Variants in LHFPL3 observed in about 807,000 individuals in gnomAD.
LHFPL3 encodes the protein LHFPL tetraspan subfamily member 3 protein.
A neutral mutation model predicts 19.3 loss-of-function variants in LHFPL3; 5 were observed. The ratio of observed to expected loss-of-function variants is 0.26; its 90% CI spans 0.14 to 0.54. The LOEUF is 0.54. Ranked by LOEUF, LHFPL3 falls within the 20% of genes least tolerant of loss-of-function variation. The pLI is 0.94. For synonymous variants in LHFPL3, 133 were observed against 126.2 expected, an observed-to-expected ratio of 1.05 and a Z score of -0.36; for missense variants, 249 against 307.4, an observed-to-expected ratio of 0.81 and a Z score of 1.42.
intron 1 of LHFPL3, among the ~76,000 whole-genome samples, chr7:104,492,693 G>A (rs1163141891): frequency 2.0e-5 from 3 of 152,080 alleles, no homozygotes; most frequent in East Asian, 1.9e-4. Context: ...TAACTATTAC[G>A]TTCACTAATT....
At chr7:104,385,765 T>C (rs1389009507) in intron 1 of LHFPL3, among the ~76,000 whole-genome samples, 1 of 152,220 alleles carries the variant, frequency 6.6e-6, no homozygotes, top group East Asian at 1.9e-4. Context: ...ATGTGTGGAC[T>C]ATAAATGTTT....
At chr7:104,385,752 A>T (rs1790928974) in intron 1 of LHFPL3, among the ~76,000 whole-genome samples, 1 of 152,202 alleles carries the variant, frequency 6.6e-6, no homozygotes, top group African/African-American at 2.4e-5. Context: ...TATCTATATT[A>T]TAATGTGTGG....
intron 1 of LHFPL3, among the ~76,000 whole-genome samples, chr7:104,616,065 A>T (rs1413239186): frequency 6.6e-6 from 1 of 152,202 alleles, no homozygotes; most frequent in Non-Finnish European, 1.5e-5. Flanking sequence ...ATACTGCCCA[A>T]AGTAATTTAT....
chr7:104,678,663 T>C (rs6955455), intron 1 of LHFPL3, among the ~76,000 whole-genome samples: 43,773 of 152,062 alleles, frequency 0.29, 6,560 homozygotes, highest in East Asian at 0.52. Flanking sequence ...GATGGCAGAA[T>C]AATGTTTTTA....
chr7:104,769,618 A>ACCC (rs1220178079), intron 2 of LHFPL3, among the ~76,000 whole-genome samples: 22 of 148,150 alleles, frequency 1.5e-4, no homozygotes, highest in Non-Finnish European at 2.2e-4. Flanking sequence ...AGCCCCCCCA[A>ACCC]CCCCCGACAG....
At chr7:104,571,575 G>A (rs918243518) in intron 1 of LHFPL3, among the ~76,000 whole-genome samples, 1 of 152,124 alleles carries the variant, frequency 6.6e-6, no homozygotes, top group Non-Finnish European at 1.5e-5. Flanking sequence ...TCACTCCTTT[G>A]AATGATGCCA....
intron 1 of LHFPL3, among the ~76,000 whole-genome samples, chr7:104,492,979 C>T (rs2115699410): frequency 6.6e-6 from 1 of 152,302 alleles, no homozygotes; most frequent in East Asian, 1.9e-4. Flanking sequence ...CTTAAAACTT[C>T]ACTGTATCTT....
chr7:104,520,795 C>T (rs9800987), intron 1 of LHFPL3, among the ~76,000 whole-genome samples: 40,450 of 129,130 alleles, frequency 0.31, 6,454 homozygotes, highest in Middle Eastern at 0.44. Flanking sequence ...GTGGTGATAT[C>T]CCCTTTATCA....
chr7:104,417,476 G>A (rs972493413), intron 1 of LHFPL3, among the ~76,000 whole-genome samples: 1 of 152,098 alleles, frequency 6.6e-6, no homozygotes, highest in Non-Finnish European at 1.5e-5. Flanking sequence ...TTGATCTTTA[G>A]AAGGAATAAA....
chr7:104,608,152 A>G (rs1414307089), intron 1 of LHFPL3, among the ~76,000 whole-genome samples: 1 of 152,124 alleles, frequency 6.6e-6, no homozygotes, highest in African/African-American at 2.4e-5. Context: ...CTGGGTATAT[A>G]CCCAAAGGAT....
intron 1 of LHFPL3, among the ~76,000 whole-genome samples, chr7:104,696,341 G>GCAAAGT (rs1328928700): frequency 6.6e-6 from 1 of 152,182 alleles, no homozygotes; most frequent in Non-Finnish European, 1.5e-5. Context: ...TATACGCACT[G>GCAAAGT]CAAAGTACCA....
At chr7:104,436,689 G>A (rs7791247) in intron 1 of LHFPL3, among the ~76,000 whole-genome samples, 58,618 of 152,046 alleles carry the variant, frequency 0.39, 13,573 homozygotes, top group African/African-American at 0.63. Flanking sequence ...CAGCATTATC[G>A]TTAGCTGCAT....
chr7:104,742,098 G>C (rs1398208241), intron 2 of LHFPL3, among the ~76,000 whole-genome samples: 1 of 152,106 alleles, frequency 6.6e-6, no homozygotes, highest in South Asian at 2.1e-4. Flanking sequence ...TAAAATTAAA[G>C]TTTCATCCAG....
chr7:104,755,943 C>T (rs902239325), intron 2 of LHFPL3, among the ~76,000 whole-genome samples: 1 of 152,170 alleles, frequency 6.6e-6, no homozygotes, highest in South Asian at 2.1e-4. Flanking sequence ...GATCCACCTG[C>T]CTTGGCCTCC....
chr7:104,764,574 GT>G (rs1312724259), intron 2 of LHFPL3, among the ~76,000 whole-genome samples: 2 of 152,130 alleles, frequency 1.3e-5, no homozygotes, highest in Non-Finnish European at 2.9e-5. Flanking sequence ...TATTATTTCA[GT>G]TACAAAAACC....
chr7:104,360,910 T>C lies in LHFPL3; in HGVS notation c.445+31686T>C, dbSNP rs1430542238. Among the ~76,000 whole-genome samples, 3 of 152,222 alleles carry C rather than the reference T, an allele frequency of 2.0e-5. No individual in the cohort carries two copies. The South Asian group carries it at 6.2e-4, about 31-fold the overall frequency. ...GATAGCCCATGGGCTAAATTCCTCT[T>C]GTGGACTGTTTTTGTATGATTCTAC... On this transcript the variant is annotated intron_variant, in intron 1 of 2. Transcript: ENST00000424859.
Position 104,581,838 on chromosome 7 carries a change from T to C in LHFPL3, c.446-154837T>C, listed in dbSNP as rs142248532. On this transcript the variant is annotated intron_variant, in intron 1 of 2. Transcript: ENST00000424859. Reference sequence around the variant, plus strand: ...TCAGCTCTCTATTTGGTTTCATTGATCAGTTTGTCTATTCTTACGCCATTA... The same window carrying C: ...TCAGCTCTCTATTTGGTTTCATTGACCAGTTTGTCTATTCTTACGCCATTA... Among the ~76,000 whole-genome samples the C allele has an allele frequency of 3.8e-4, 58 of 152,164 alleles. 2 individuals are homozygous for C. In the East Asian group the frequency reaches 0.011, roughly 28 times the overall value.
intron 1 of LHFPL3, among the ~76,000 whole-genome samples, chr7:104,697,317 A>T (rs1034520302): frequency 2.6e-5 from 4 of 152,226 alleles, no homozygotes; most frequent in African/African-American, 9.6e-5. Flanking sequence ...CTGAGCAAAG[A>T]TTTATTAAAC....
chr7:104,668,714 A>AGGGGGGGGGGG, intron 1 of LHFPL3: 2 of 1,527,920 alleles, frequency 1.3e-6, no homozygotes, highest in Non-Finnish European at 1.8e-6. Context: ...GTGATGATAG[A>AGGGGGGGGGGG]GGTCCCCCCC....
Sources: gnomAD v4.1 joint callset for allele counts (sites outside exome capture counted in the v4.1 genomes callset) on GRCh38, gnomAD v4.1.1 for gene constraint, MANE v1.5 for transcripts, NCBI Gene and HGNC (gene_info 2026-07-23, HGNC 2026-07-21) for gene names.